WSCD2: variants seen among roughly 807,000 people sequenced by gnomAD.
The protein encoded by WSCD2 is sialate:O-sulfotransferase 2.
In WSCD2, 28 loss-of-function variants were observed where a neutral mutation model predicts 55.7. That is an observed-to-expected ratio of 0.50 (90% CI 0.37 to 0.69). The LOEUF is 0.69. Ranked by LOEUF, WSCD2 falls within the 30% of genes least tolerant of loss-of-function variation. The pLI, the probability that WSCD2 is intolerant of heterozygous loss-of-function variation, is 0.00. For synonymous variants in WSCD2, 301 were observed against 301.9 expected (o/e 1.00, Z 0.03); for missense variants, 616 against 762.1 (o/e 0.81, Z 2.26).
At chr12:108,139,677 T>G (rs565409084) in intron 1 of WSCD2, among the ~76,000 whole-genome samples, 1 of 152,122 alleles carries the variant, frequency 6.6e-6, no homozygotes, top group African/African-American at 2.4e-5. Context: ...TTGCTATGAG[T>G]GTTTTATAAG....
intron 1 of WSCD2, among the ~76,000 whole-genome samples, chr12:108,190,290 G>A (rs4964651): frequency 0.7 from 106,424 of 151,930 alleles, 40,106 homozygotes; most frequent in East Asian, 0.9. Context: ...CTTCCCAGAT[G>A]GGTCTCCTAC....
At chr12:108,134,506 T>A (rs547840755) in intron 1 of WSCD2, among the ~76,000 whole-genome samples, 1 of 152,270 alleles carries the variant, frequency 6.6e-6, no homozygotes, top group East Asian at 1.9e-4. Flanking sequence ...GGTGAAGGGA[T>A]GAGTCCAGCC....
At chr12:108,183,180 T>G (rs1387213148) in intron 1 of WSCD2, among the ~76,000 whole-genome samples, 1 of 152,212 alleles carries the variant, frequency 6.6e-6, no homozygotes, top group East Asian at 1.9e-4. Context: ...AGACAGGTGC[T>G]TCTTTATTCT....
chr12:108,196,473 A>G (rs1393174160), intron 2 of WSCD2: 1 of 490,438 alleles, frequency 2.0e-6, no homozygotes, highest in Non-Finnish European at 3.6e-6. Context: ...ATCAGAGGTC[A>G]AAGTCTGACT....
rs746307858 is a variant in WSCD2 at position 108,196,114 on chromosome 12, G to A, written c.282G>A (p.Lys94=). 1 of 1,614,180 alleles carries A rather than the reference G, an allele frequency of 6.2e-7. No individual in the cohort carries two copies. Among genetic ancestry groups the A allele is most frequent in the Admixed American group, 1.7e-5 (1 of 60,024 alleles). The change falls in exon 2 of 9, where the codon AAG becomes AAA. Residue 94 remains lysine (K), a synonymous_variant. Transcript: ENST00000547525. ...CTCGCAGGTACGGACCCTGGTTCAA[G>A]GGCAAGGATGGGAATGAGAGAGCCA... is the stretch of plus-strand genomic sequence containing the variant. The part of the protein sequence containing the change: ...SIARRYGPWF[K]GKDGNERAKL...
At chr12:108,146,731 A>C (rs959473341) in intron 1 of WSCD2, among the ~76,000 whole-genome samples, 1 of 152,142 alleles carries the variant, frequency 6.6e-6, no homozygotes, top group African/African-American at 2.4e-5. Context: ...CAAATGCTCC[A>C]AGTGTTCTCC....
intron 1 of WSCD2, among the ~76,000 whole-genome samples, chr12:108,187,495 G>A (rs371292379): frequency 1.2e-4 from 19 of 152,324 alleles, no homozygotes; most frequent in African/African-American, 4.3e-4. Context: ...TCCTGGGCTC[G>A]AAGCCTGTTC....
At chr12:108,173,688 G>A (rs1880481054) in intron 1 of WSCD2, among the ~76,000 whole-genome samples, 1 of 152,118 alleles carries the variant, frequency 6.6e-6, no homozygotes, top group South Asian at 2.1e-4. Flanking sequence ...CTATGGTGAA[G>A]GGGCCTGAGT....
chr12:108,136,638 C>T (rs1247168332), intron 1 of WSCD2, among the ~76,000 whole-genome samples: 1 of 152,156 alleles, frequency 6.6e-6, no homozygotes, highest in Non-Finnish European at 1.5e-5. Context: ...CCCATGTGGA[C>T]ACTGAGGCTC....
At chr12:108,216,584 T>C (rs552462075) in intron 4 of WSCD2, among the ~76,000 whole-genome samples, 1 of 152,354 alleles carries the variant, frequency 6.6e-6, no homozygotes, top group African/African-American at 2.4e-5. Context: ...GATGTGAACC[T>C]TGGCTACCTG....
In WSCD2 at chr12:108,227,084, G is replaced by C; in HGVS notation, c.899G>C (p.Cys300Ser). The change falls in exon 6 of 9, where the codon TGT (cysteine) becomes TCT (serine). Residue 300 changes from cysteine (C) to serine (S), a missense_variant. Physicochemically the swap from Cys to Ser is moderately radical, Grantham distance 112. Coordinates refer to ENST00000547525, the MANE Select transcript of WSCD2 (RefSeq NM_014653.4). ...PLHDREDEQL[C>S]AQKCSAEEFE... ...CATGACAGAGAGGATGAGCAGCTCT[G>C]TGCCCAGAAGTGCAGCGCGGAGGAG... is the stretch of plus-strand genomic sequence containing the variant. 6.2e-7 allele frequency: 1 copy of C among 1,614,234 alleles called. No homozygotes were observed. The highest frequency in any genetic ancestry group is 8.5e-7 in the Non-Finnish European group (1 of 1,180,044).
chr12:108,163,237 C>T (rs369879799), intron 1 of WSCD2, among the ~76,000 whole-genome samples: 18 of 152,126 alleles, frequency 1.2e-4, no homozygotes, highest in African/African-American at 3.1e-4. Flanking sequence ...GGCGTGGTGG[C>T]GGGCACCTGT....
chr12:108,163,390 TA>T (rs1183088292), intron 1 of WSCD2, among the ~76,000 whole-genome samples: 2 of 151,884 alleles, frequency 1.3e-5, no homozygotes, highest in East Asian at 1.9e-4. Flanking sequence ...AAATTAAAAT[TA>T]AAAAAGAAAG....
intron 7 of WSCD2, among the ~76,000 whole-genome samples, chr12:108,235,150 A>C (rs1889151652): frequency 6.6e-6 from 1 of 152,184 alleles, no homozygotes; most frequent in Admixed American, 6.5e-5. Context: ...CACCTCTCTG[A>C]GCTTTAATTT....
chr12:108,139,294 T>C (rs1876537258), intron 1 of WSCD2, among the ~76,000 whole-genome samples: 1 of 152,212 alleles, frequency 6.6e-6, no homozygotes, highest in Non-Finnish European at 1.5e-5. Context: ...AGAGAGAATT[T>C]ATGGCTGAAT....
intron 1 of WSCD2, among the ~76,000 whole-genome samples, chr12:108,164,161 T>TTTTTTTTTTTTTTTTTTTTTTGTG (rs1555224811): frequency 6.9e-6 from 1 of 145,982 alleles, no homozygotes; most frequent in Admixed American, 6.9e-5. Flanking sequence ...TTTTTTTTTT[T>TTTTTTTTTTTTTTTTTTTTTTGTG]TCAGAGAGGG....
intron 1 of WSCD2, among the ~76,000 whole-genome samples, chr12:108,135,293 GCT>G (rs942202893): frequency 6.6e-6 from 1 of 152,194 alleles, no homozygotes; most frequent in African/African-American, 2.4e-5. Context: ...AGAGACCCCA[GCT>G]CTGTCTTCAA....
chr12:108,240,386 T>C lies in WSCD2; in HGVS notation c.1187T>C (p.Ile396Thr), dbSNP rs1889630230. 2.5e-6 allele frequency: 4 copies of C among 1,614,004 alleles called. 1 individual carries two copies. The South Asian group carries it at 4.4e-5, about 18-fold the overall frequency. The stretch of plus-strand genomic sequence containing the variant: ...GACCACTGGCGCAGCGGACGGACCA[T>C]CTGCATCAAGACGCACGAAAGCGGC... ...ERDHWRSGRTICIKTHESGQK... is the reference protein window; with the variant it reads ...ERDHWRSGRTTCIKTHESGQK... The change falls in exon 8 of 9, where the codon ATC (isoleucine) becomes ACC (threonine). Residue 396 changes from isoleucine to threonine, a missense_variant. Transcript: ENST00000547525.
At chr12:108,191,813 G>A (rs1883199747) in intron 1 of WSCD2, among the ~76,000 whole-genome samples, 1 of 152,106 alleles carries the variant, frequency 6.6e-6, no homozygotes, top group African/African-American at 2.4e-5. Flanking sequence ...TCCCTCCCCA[G>A]GAGAAAAGGG....
Sources: gnomAD v4.1 joint callset for allele counts (sites outside exome capture counted in the v4.1 genomes callset) on GRCh38, gnomAD v4.1.1 for gene constraint, MANE v1.5 for transcripts, NCBI Gene and HGNC (gene_info 2026-07-23, HGNC 2026-07-21) for gene names.